ALX4: variants seen among roughly 807,000 people sequenced by gnomAD.
The protein encoded by ALX4 is homeobox protein aristaless-like 4.
In ALX4, 22 loss-of-function variants were observed where a neutral mutation model predicts 40.6. That is an observed-to-expected ratio of 0.54 (90% CI 0.39 to 0.77). The LOEUF (loss-of-function observed/expected upper bound fraction) is 0.77, where lower values mean the gene tolerates loss of function less well. ALX4 is among the 30% of genes least tolerant of loss of function. The pLI is 0.00. For missense variants in ALX4, 556 were observed against 564.8 expected (o/e 0.98, Z 0.16); for synonymous variants, 266 against 240.5 (o/e 1.11, Z -0.98).
At position 44,261,925 on chromosome 11, in the gene ALX4, C is replaced by T. The variant is rs1956184793; in HGVS notation, c.*2929G>A. ...CAGCTGCCCTGACTTGCTCAGTCAT[C>T]CTAGGAGCTGACACGGCAGTGGCCC... On this transcript the variant is annotated 3_prime_UTR_variant, in exon 4 of 4. Transcript: ENST00000652299. 1.3e-5 allele frequency: 2 copies of T among 152,292 alleles called. No individual in the cohort carries two copies. Among genetic ancestry groups the T allele is most frequent in the African/African-American group, 4.8e-5 (2 of 41,464 alleles). The allele number at this position is 152,292 out of a possible 1,614,324, so 9.4% of individuals were successfully genotyped here. A position where few individuals can be genotyped will look rare whatever the true frequency, so the allele number is the denominator to read the frequency against.
intron 1 of ALX4, among the ~76,000 whole-genome samples, chr11:44,295,973 G>A (rs377267984): frequency 4.5e-4 from 69 of 152,302 alleles, no homozygotes; most frequent in East Asian, 1.7e-3. Flanking sequence ...TCCAGGTCCC[G>A]GAAAACAAAT....
intron 1 of ALX4, among the ~76,000 whole-genome samples, chr11:44,285,715 CATTTT>C (rs1458628589): frequency 6.6e-6 from 1 of 150,404 alleles, no homozygotes; most frequent in Non-Finnish European, 1.5e-5. Context: ...AACTATGGAA[CATTTT>C]ATTTTTTGTT....
In ALX4 at chr11:44,266,804, C is replaced by T. The variant is rs552840367; in HGVS notation, c.906+690G>A. ...TACTTCTCATCCCTTGCATCTCACA[C>T]TAGAACAGGGGACTGGCTGACAGAC... is the stretch of plus-strand genomic sequence containing the variant. On this transcript the variant is annotated intron_variant, in intron 3 of 3. Coordinates refer to ENST00000652299, the MANE Select transcript of ALX4 (RefSeq NM_021926.4). Among the ~76,000 whole-genome samples the T allele has an allele frequency of 2.6e-4, 39 of 152,258 alleles. 1 individual carries two copies. The highest frequency in any genetic ancestry group is 9.1e-4 in the African/African-American group (38 of 41,532).
At position 44,283,976 on chromosome 11, in the gene ALX4, A is replaced by C. The variant is rs531802021; in HGVS notation, c.467-8318T>G. On this transcript the variant is annotated intron_variant, in intron 1 of 3. Coordinates refer to ENST00000652299, the MANE Select transcript of ALX4 (RefSeq NM_021926.4). ...TGTGCTTTGTTTACCCTGCTGTGTA[A>C]CACCTAGTATCATAGCTGGCATGCA... is the stretch of plus-strand genomic sequence containing the variant. Among the ~76,000 whole-genome samples the C allele has an allele frequency of 2.6e-5, 4 of 152,318 alleles. No homozygotes were observed. In the South Asian group the frequency reaches 8.3e-4, roughly 32 times the overall value.
In ALX4 at chr11:44,282,834, G is replaced by T. The variant is rs116171228; in HGVS notation, c.467-7176C>A. 4.0e-3 allele frequency among the ~76,000 whole-genome samples: 603 copies of T among 152,314 alleles called. 5 individuals are homozygous for T. The highest frequency in any genetic ancestry group is 0.014 in the African/African-American group (582 of 41,572). On this transcript the variant is annotated intron_variant, in intron 1 of 3. Transcript: ENST00000652299. The stretch of plus-strand genomic sequence containing the variant: ...TTGCCAGGTGTAGGAGGAGGGGGAA[G>T]GTTTGTTTACAAAGGGCTTGCACTG...
intron 1 of ALX4, 56 bp from the exon 2 acceptor site, chr11:44,275,714 G>A (rs1956274230): frequency 6.4e-7 from 1 of 1,558,764 alleles, no homozygotes; most frequent in African/African-American, 1.4e-5. Context: ...CAAGAGAAGG[G>A]GAATGTCAGG....
intron 1 of ALX4, among the ~76,000 whole-genome samples, chr11:44,280,680 T>C (rs775971414): frequency 1.3e-5 from 2 of 152,230 alleles, no homozygotes; most frequent in Non-Finnish European, 2.9e-5. Context: ...AATCAAGTAG[T>C]GAACCTACAT....
At chr11:44,305,766 C>T (rs1168148446) in intron 1 of ALX4, among the ~76,000 whole-genome samples, 1 of 152,254 alleles carries the variant, frequency 6.6e-6, no homozygotes, top group Non-Finnish European at 1.5e-5. Context: ...GACCTTGGCG[C>T]TGAGAGCGCT....
At chr11:44,300,996 C>T (rs754342822) in intron 1 of ALX4, among the ~76,000 whole-genome samples, 1 of 152,268 alleles carries the variant, frequency 6.6e-6, no homozygotes, top group Non-Finnish European at 1.5e-5. Context: ...AGGGCTTTCC[C>T]CATCTCAGGG....
chr11:44,280,429 T>C (rs532355064), intron 1 of ALX4, among the ~76,000 whole-genome samples: 1 of 152,330 alleles, frequency 6.6e-6, no homozygotes, highest in East Asian at 1.9e-4. Context: ...GGGCACCTCG[T>C]GCTGGCATAA....
rs978333334 is a variant in ALX4, at chr11:44,263,548, G to C, written c.*1306C>G. On this transcript the variant is annotated 3_prime_UTR_variant, in exon 4 of 4. Transcript: ENST00000652299. ...AGGGCAGAGAGTCCTGGTCCCTGTGGAAGAAGTGTAAGGACGGAGTGTGGA... is the reference window on the plus strand; with the variant it reads ...AGGGCAGAGAGTCCTGGTCCCTGTGCAAGAAGTGTAAGGACGGAGTGTGGA... 9 of 152,376 alleles carry C rather than the reference G, an allele frequency of 5.9e-5. No homozygotes were observed. Among genetic ancestry groups the C allele is most frequent in the Non-Finnish European group, 1.2e-4 (8 of 68,140 alleles). The allele number at this position is 152,376 out of a possible 1,614,324, so 9.4% of individuals were successfully genotyped here. A position where few individuals can be genotyped will look rare whatever the true frequency, so the allele number is the denominator to read the frequency against.
chr11:44,286,801 T>C (rs535018634), intron 1 of ALX4, among the ~76,000 whole-genome samples: 71 of 152,218 alleles, frequency 4.7e-4, no homozygotes, highest in African/African-American at 1.6e-3. Context: ...AGCATCCTCA[T>C]TGGACAGACG....
At chr11:44,287,001 T>C (rs1468350055) in intron 1 of ALX4, among the ~76,000 whole-genome samples, 2 of 152,222 alleles carry the variant, frequency 1.3e-5, no homozygotes, top group African/African-American at 4.8e-5. Context: ...GCAAAAGCCT[T>C]TGCCTTGCAA....
chr11:44,283,065 G>A (rs1035546412), intron 1 of ALX4, among the ~76,000 whole-genome samples: 1 of 152,054 alleles, frequency 6.6e-6, no homozygotes, highest in Non-Finnish European at 1.5e-5. Context: ...TGGCCAACAC[G>A]GTGAAACCCC....
chr11:44,308,994 G>T (rs374826777), intron 1 of ALX4, among the ~76,000 whole-genome samples: 2 of 152,218 alleles, frequency 1.3e-5, no homozygotes, highest in African/African-American at 4.8e-5. Flanking sequence ...CTCTGGCTCC[G>T]CACTGTGTTG....
intron 1 of ALX4, among the ~76,000 whole-genome samples, chr11:44,284,677 C>T (rs1313683508): frequency 6.6e-6 from 1 of 152,210 alleles, no homozygotes; most frequent in African/African-American, 2.4e-5. Context: ...AGACCTGCTT[C>T]CGCTCTGCAG....
intron 2 of ALX4, among the ~76,000 whole-genome samples, chr11:44,273,651 G>A (rs922732665): frequency 1.3e-5 from 2 of 152,106 alleles, no homozygotes; most frequent in African/African-American, 4.8e-5. Context: ...CAACAATCCT[G>A]TAAAGAAGAC....
intron 1 of ALX4, among the ~76,000 whole-genome samples, chr11:44,307,949 T>G (rs953106806): frequency 6.6e-6 from 1 of 151,860 alleles, no homozygotes; most frequent in Non-Finnish European, 1.5e-5. Context: ...TGTGTGGAAC[T>G]GTGTGTGCCT....
At chr11:44,296,164 T>C (rs767564241) in intron 1 of ALX4, among the ~76,000 whole-genome samples, 1 of 152,116 alleles carries the variant, frequency 6.6e-6, no homozygotes, top group Non-Finnish European at 1.5e-5. Flanking sequence ...CTCAAATACA[T>C]GCGCAATTGA....
Sources: allele counts gnomAD v4.1 joint callset (sites outside exome capture counted in the v4.1 genomes callset), GRCh38; gene constraint gnomAD v4.1.1; transcripts MANE v1.5; gene names NCBI Gene and HGNC (gene_info 2026-07-23, HGNC 2026-07-21).